The following ASB3 variants were observed in gnomAD, a reference collection of about 807,000 sequenced individuals.
ASB3 encodes ankyrin repeat and SOCS box containing 3.
ASB3 carries 41 observed loss-of-function variants against 54.5 expected under a neutral mutation model. That is an observed-to-expected ratio of 0.75 (90% CI 0.59 to 0.98). The LOEUF is 0.98. Ranked by LOEUF, ASB3 falls within the 50% of genes least tolerant of loss-of-function variation. ASB3 has a pLI of 0.00. For missense variants in ASB3, 733 were observed against 620.0 expected (o/e 1.18, Z -1.94); for synonymous variants, 266 against 221.2 (o/e 1.20, Z -1.80).
intron 9 of ASB3, among the ~76,000 whole-genome samples, chr2:53,688,447 T>C (rs1052740420): frequency 3.3e-5 from 5 of 152,198 alleles, no homozygotes; most frequent in African/African-American, 4.8e-5. Context: ...GCCTCAATCA[T>C]GTAACAATCA....
intron 9 of ASB3, among the ~76,000 whole-genome samples, chr2:53,679,259 A>G (rs1234134646): frequency 6.6e-6 from 1 of 152,172 alleles, no homozygotes; most frequent in African/African-American, 2.4e-5. Context: ...CCTCTACCAG[A>G]CCTGCAGGGT....
intron 3 of ASB3, among the ~76,000 whole-genome samples, chr2:53,736,688 G>C (rs1425733646): frequency 7.1e-6 from 1 of 140,244 alleles, no homozygotes; most frequent in Non-Finnish European, 1.5e-5. Context: ...GACAGAGTGA[G>C]ATTCCATCTC....
chr2:53,675,804 G>A (rs976036189), intron 9 of ASB3, among the ~76,000 whole-genome samples: 1 of 152,082 alleles, frequency 6.6e-6, no homozygotes, highest in Admixed American at 6.5e-5. Flanking sequence ...CTTTTCACAA[G>A]AAAATAACGT....
At chr2:53,737,582 C>T (rs577737443) in intron 3 of ASB3, among the ~76,000 whole-genome samples, 50 of 152,114 alleles carry the variant, frequency 3.3e-4, no homozygotes, top group African/African-American at 1.1e-3. Context: ...CATGGAACTC[C>T]TAAGACTTCT....
chr2:53,714,268 A>AT, intron 7 of ASB3, 116 bp downstream of exon 7: 1 of 1,294,672 alleles, frequency 7.7e-7, no homozygotes, highest in Non-Finnish European at 1.0e-6. Flanking sequence ...GTGTTCCAAG[A>AT]TAGCAATTTA....
intron 8 of ASB3, among the ~76,000 whole-genome samples, chr2:53,699,524 G>T (rs571793900): frequency 6.6e-6 from 1 of 152,154 alleles, no homozygotes; most frequent in Middle Eastern, 3.2e-3. Context: ...GACATCACAC[G>T]GGGTAAGAAT....
At chr2:53,675,008 C>T (rs535338942) in intron 9 of ASB3, among the ~76,000 whole-genome samples, 6 of 152,244 alleles carry the variant, frequency 3.9e-5, no homozygotes, top group Non-Finnish European at 7.4e-5. Flanking sequence ...TGAGGTGCCA[C>T]TATTAACTAG....
chr2:53,709,338 G>A (rs1023359560), intron 7 of ASB3, among the ~76,000 whole-genome samples: 7 of 152,214 alleles, frequency 4.6e-5, no homozygotes, highest in Non-Finnish European at 1.0e-4. Flanking sequence ...CCCTGTGGGT[G>A]CACAGAATTT....
intron 7 of ASB3, among the ~76,000 whole-genome samples, chr2:53,711,731 G>A (rs929470107): frequency 4.0e-5 from 6 of 151,658 alleles, no homozygotes; most frequent in East Asian, 1.9e-4. Context: ...CCCAGATCGC[G>A]CCACTGTACT....
rs566204792 is a variant in ASB3 at position 53,746,257 on chromosome 2, T to C, written c.355+4526A>G. Reference sequence around the variant, plus strand: ...CTGTAGTGAGCTATGATTTTGCCACTGCACTCCAGCCTCGGCAAAAGAGCA... The same window carrying C: ...CTGTAGTGAGCTATGATTTTGCCACCGCACTCCAGCCTCGGCAAAAGAGCA... On this transcript the variant is annotated intron_variant, in intron 3 of 9. Transcript: ENST00000263634. Among the ~76,000 whole-genome samples the C allele has an allele frequency of 1.8e-3, 270 of 152,218 alleles. 1 individual carries two copies. The highest frequency in any genetic ancestry group is 6.1e-3 in the African/African-American group (253 of 41,536).
chr2:53,772,593 A>G (rs1191032106), intron 1 of ASB3, among the ~76,000 whole-genome samples: 4 of 151,878 alleles, frequency 2.6e-5, no homozygotes, highest in Non-Finnish European at 5.9e-5. Flanking sequence ...AACCCTTAAA[A>G]GCTCTCTTCA....
intron 8 of ASB3, 91 bp from the exon 9 acceptor site, chr2:53,694,105 ATC>A (rs1669060573): frequency 1.4e-6 from 2 of 1,464,006 alleles, no homozygotes; most frequent in African/African-American, 2.8e-5. Flanking sequence ...TTCTTACAAA[ATC>A]TCAATGAGGA....
intron 1 of ASB3, among the ~76,000 whole-genome samples, chr2:53,784,204 T>C (rs1674809897): frequency 6.6e-6 from 1 of 152,214 alleles, no homozygotes; most frequent in Admixed American, 6.5e-5. Flanking sequence ...TTTCAATGTT[T>C]AAGAATCAAC....
chr2:53,715,933 G>C (rs1237678698), intron 6 of ASB3, among the ~76,000 whole-genome samples: 1 of 151,944 alleles, frequency 6.6e-6, no homozygotes, highest in East Asian at 1.9e-4. Context: ...TTCTAAACAT[G>C]TATTTCTAAA....
At chr2:53,735,680 G>A (rs886084231) in intron 3 of ASB3, among the ~76,000 whole-genome samples, 2 of 151,116 alleles carry the variant, frequency 1.3e-5, no homozygotes, top group African/African-American at 4.9e-5. Flanking sequence ...GGAATGTAAA[G>A]GGCCAAATAA....
chr2:53,708,660 AG>A (rs879454503), intron 7 of ASB3, among the ~76,000 whole-genome samples: 2 of 152,246 alleles, frequency 1.3e-5, no homozygotes, highest in Non-Finnish European at 2.9e-5. Flanking sequence ...AGTGAATAAA[AG>A]TAAAGGCTGG....
chr2:53,670,006 TAA>T lies in ASB3; in HGVS notation c.*495_*496del, dbSNP rs989559301. The T allele has an allele frequency of 9.0e-6, 1 of 111,400 alleles. No individual in the cohort carries two copies. The highest frequency in any genetic ancestry group is 1.9e-5 in the Non-Finnish European group (1 of 52,474). 6.9% of individuals were successfully genotyped at this position (111,400 alleles called of 1,614,324 possible). On this transcript the variant is annotated 3_prime_UTR_variant, in exon 10 of 10. Coordinates refer to ENST00000263634, the MANE Select transcript of ASB3 (RefSeq NM_016115.5). ...AGGAAAACATGTTCTTTAATAAACA[TAA>T]GAGATAGTCAAGTCTAAATAAAATA...
chr2:53,760,676 T>C (rs1234376976), intron 2 of ASB3, among the ~76,000 whole-genome samples: 1 of 152,208 alleles, frequency 6.6e-6, no homozygotes, highest in Admixed American at 6.5e-5. Context: ...CACTTAGGCA[T>C]TGATAGCACC....
At chr2:53,700,718 A>G (rs1669442436) in intron 7 of ASB3, among the ~76,000 whole-genome samples, 190 bp from the exon 8 acceptor site, 1 of 152,134 alleles carries the variant, frequency 6.6e-6, no homozygotes, top group Admixed American at 6.5e-5. Flanking sequence ...ACCCTCCTGC[A>G]TGGTTTTTAA....
Sources: gnomAD v4.1 joint callset for allele counts (sites outside exome capture counted in the v4.1 genomes callset) on GRCh38, gnomAD v4.1.1 for gene constraint, MANE v1.5 for transcripts, NCBI Gene and HGNC (gene_info 2026-07-23, HGNC 2026-07-21) for gene names.